The following ASIC2 variants were observed in gnomAD, a reference collection of about 807,000 sequenced individuals.
The protein encoded by ASIC2 is acid sensing ion channel subunit 2.
ASIC2 carries 25 observed loss-of-function variants against 57.3 expected under a neutral mutation model. The ratio of observed to expected loss-of-function variants is 0.44; its 90% CI spans 0.32 to 0.61. ASIC2 has a LOEUF of 0.61. Ranked by LOEUF, ASIC2 falls within the 20% of genes least tolerant of loss-of-function variation. The pLI, the probability that ASIC2 is intolerant of heterozygous loss-of-function variation, is 0.06. For missense variants in ASIC2, 641 were observed against 738.1 expected, an observed-to-expected ratio of 0.87 and a Z score of 1.52; for synonymous variants, 319 against 307.5, an observed-to-expected ratio of 1.04 and a Z score of -0.39.
chr17:33,515,565 G>T (rs1406748961), intron 1 of ASIC2, among the ~76,000 whole-genome samples: 1 of 152,214 alleles, frequency 6.6e-6, no homozygotes, highest in Non-Finnish European at 1.5e-5. Flanking sequence ...AGAGTGTCCA[G>T]TGCCTTTGAG....
At chr17:33,755,257 G>C (rs527547836) in intron 1 of ASIC2, among the ~76,000 whole-genome samples, 1 of 152,296 alleles carries the variant, frequency 6.6e-6, no homozygotes, top group African/African-American at 2.4e-5. Flanking sequence ...CAAGCAAATG[G>C]ATTCTCTTCA....
At chr17:33,473,092 T>A (rs767868105) in intron 1 of ASIC2, among the ~76,000 whole-genome samples, 3 of 152,212 alleles carry the variant, frequency 2.0e-5, no homozygotes, top group Non-Finnish European at 2.9e-5. Flanking sequence ...TGCTGCCTGT[T>A]TACTTTGGCT....
intron 1 of ASIC2, among the ~76,000 whole-genome samples, chr17:33,781,897 T>A (rs6505378): frequency 0.075 from 11,397 of 152,238 alleles, 498 homozygotes; most frequent in East Asian, 0.22. Context: ...TAGATATAAC[T>A]TGAGTGCCTC....
intron 1 of ASIC2, among the ~76,000 whole-genome samples, chr17:33,172,517 C>G (rs933626205): frequency 1.3e-5 from 2 of 152,144 alleles, no homozygotes; most frequent in African/African-American, 4.8e-5. Flanking sequence ...GTCCTTACCC[C>G]CTAGGAGACA....
At chr17:33,032,856 C>T (rs2091890311) in intron 3 of ASIC2, among the ~76,000 whole-genome samples, 1 of 152,184 alleles carries the variant, frequency 6.6e-6, no homozygotes, top group Non-Finnish European at 1.5e-5. Context: ...GTTCATCATG[C>T]TTCTTACAGA....
chr17:33,357,175 C>T (rs1908417823), intron 1 of ASIC2, among the ~76,000 whole-genome samples: 1 of 152,052 alleles, frequency 6.6e-6, no homozygotes, highest in Admixed American at 6.5e-5. Context: ...GAGGCACCAC[C>T]TAATCCCCAG....
At chr17:33,487,474 G>A (rs561184117) in intron 1 of ASIC2, among the ~76,000 whole-genome samples, 14 of 152,332 alleles carry the variant, frequency 9.2e-5, no homozygotes, top group African/African-American at 3.4e-4. Flanking sequence ...GTGACCTAGT[G>A]CAAGTGACAA....
At chr17:33,167,237 C>T (rs1905339354) in intron 1 of ASIC2, among the ~76,000 whole-genome samples, 1 of 152,174 alleles carries the variant, frequency 6.6e-6, no homozygotes. Context: ...CTTCCTCCTA[C>T]TTGCCACTTC....
chr17:33,672,128 A>G (rs981424845), intron 1 of ASIC2, among the ~76,000 whole-genome samples: 1 of 152,082 alleles, frequency 6.6e-6, no homozygotes, highest in African/African-American at 2.4e-5. Flanking sequence ...CTTGGCAGTC[A>G]TTTTTCTTAT....
chr17:33,520,569 A>G (rs552455983), intron 1 of ASIC2, among the ~76,000 whole-genome samples: 3 of 152,244 alleles, frequency 2.0e-5, no homozygotes, highest in African/African-American at 7.2e-5. Context: ...AGCAATGTTC[A>G]GCACACAAGG....
At chr17:33,320,248 A>AT (rs764485265) in intron 1 of ASIC2, among the ~76,000 whole-genome samples, 9 of 152,196 alleles carry the variant, frequency 5.9e-5, no homozygotes, top group Admixed American at 2.6e-4. Flanking sequence ...ATTTTGAGGT[A>AT]TTTTTTTAAG....
chr17:33,810,137 T>C (rs1215525497), intron 1 of ASIC2, among the ~76,000 whole-genome samples: 2 of 152,256 alleles, frequency 1.3e-5, no homozygotes, highest in African/African-American at 2.4e-5. Flanking sequence ...TGAAATATTG[T>C]TTAAACTCAT....
intron 1 of ASIC2, among the ~76,000 whole-genome samples, chr17:33,214,835 T>C (rs1458152951): frequency 1.3e-5 from 2 of 152,162 alleles, no homozygotes; most frequent in Non-Finnish European, 2.9e-5. Context: ...TGGGTGAAAG[T>C]AGCCACCTTC....
chr17:33,556,401 C>T (rs867782420), intron 1 of ASIC2, among the ~76,000 whole-genome samples: 3 of 152,144 alleles, frequency 2.0e-5, no homozygotes, highest in Admixed American at 1.3e-4. Flanking sequence ...AGAATGACAG[C>T]ACGTGGGAAA....
chr17:33,277,417 G>T (rs1904749317), intron 1 of ASIC2, among the ~76,000 whole-genome samples: 1 of 152,190 alleles, frequency 6.6e-6, no homozygotes, highest in African/African-American at 2.4e-5. Flanking sequence ...GGCCTTAGCT[G>T]CCCCATCTGT....
At chr17:33,260,354 C>G (rs1909233377) in intron 1 of ASIC2, among the ~76,000 whole-genome samples, 1 of 152,200 alleles carries the variant, frequency 6.6e-6, no homozygotes, top group Admixed American at 6.5e-5. Context: ...ACGCATGCAG[C>G]TCACAGCAGA....
intron 4 of ASIC2, among the ~76,000 whole-genome samples, chr17:33,027,113 C>T (rs2091862548): frequency 2.0e-5 from 3 of 152,276 alleles, no homozygotes; most frequent in Admixed American, 2.0e-4. Flanking sequence ...CCTCGCCTTT[C>T]CCAGCTTCCA....
chr17:34,109,254 G>A (rs1326185886), intron 1 of ASIC2, among the ~76,000 whole-genome samples: 3 of 151,960 alleles, frequency 2.0e-5, no homozygotes, highest in South Asian at 2.1e-4. Context: ...GCATGTAGAC[G>A]ATACGTATAG....
intron 1 of ASIC2, among the ~76,000 whole-genome samples, chr17:33,393,629 T>C (rs1909976821): frequency 6.6e-6 from 1 of 152,098 alleles, no homozygotes; most frequent in Non-Finnish European, 1.5e-5. Flanking sequence ...ATAAAACCTA[T>C]CTCATAGGGC....
Sources: gnomAD v4.1 joint callset for allele counts (sites outside exome capture counted in the v4.1 genomes callset) on GRCh38, gnomAD v4.1.1 for gene constraint, MANE v1.5 for transcripts, NCBI Gene and HGNC (gene_info 2026-07-23, HGNC 2026-07-21) for gene names.